PGAP4: variants seen among roughly 807,000 people sequenced by gnomAD.
PGAP4 encodes GPI-N-acetylgalactosamine transferase PGAP4.
PGAP4 carries 12 observed loss-of-function variants against 28.2 expected under a neutral mutation model. The observed-to-expected ratio is 0.42, with a 90% CI of 0.27 to 0.69. The LOEUF is 0.69. Ranked by LOEUF, PGAP4 falls within the 30% of genes least tolerant of loss-of-function variation. The pLI is 0.22. For missense variants in PGAP4, 425 were observed against 513.5 expected (o/e 0.83, Z 1.67); for synonymous variants, 205 against 211.8 (o/e 0.97, Z 0.28).
chr9:101,477,042 T>C lies in PGAP4; in HGVS notation c.51A>G (p.Arg17=), dbSNP rs1247397151. 1 of 1,609,410 alleles carries C rather than the reference T, an allele frequency of 6.2e-7. No individual in the cohort carries two copies. Among genetic ancestry groups the C allele is most frequent in the Non-Finnish European group, 8.5e-7 (1 of 1,178,584 alleles). Residue 17 remains arginine, a synonymous_variant, in exon 2 of 2, where the codon CGA becomes CGG. Coordinates refer to ENST00000374848, the MANE Select transcript of PGAP4 (RefSeq NM_032342.3). ...PAAMLLRRLR[R]LSWGSTAVQL... Reference sequence around the variant, plus strand: ...GGACAGCAGTGCTGCCCCAGGAGAGTCGCCGCAGCCTCCGGAGGAGCATGG... The same window carrying C: ...GGACAGCAGTGCTGCCCCAGGAGAGCCGCCGCAGCCTCCGGAGGAGCATGG...
At chr9:101,487,981 T>C (rs1195671335), upstream of PGAP4, among the ~76,000 whole-genome samples, 1 of 152,180 alleles carries the variant, frequency 6.6e-6, no homozygotes, top group African/African-American at 2.4e-5. Context: ...TGCCAACACC[T>C]GCTCTAAAAG....
intron 1 of PGAP4, among the ~76,000 whole-genome samples, chr9:101,482,844 G>C (rs1175787800): frequency 5.9e-5 from 9 of 152,064 alleles, no homozygotes; most frequent in Non-Finnish European, 1.2e-4. Flanking sequence ...TTCTACTTCA[G>C]ACTCATCTAT....
At chr9:101,490,659 T>G (rs1237376606), upstream of PGAP4, among the ~76,000 whole-genome samples, 1 of 152,244 alleles carries the variant, frequency 6.6e-6, no homozygotes. Flanking sequence ...TAGCAGCAAC[T>G]AATTTCCCAT....
At chr9:101,519,122 T>C (rs763178219) in intron 2 of PGAP4, among the ~76,000 whole-genome samples, 1 of 152,018 alleles carries the variant, frequency 6.6e-6, no homozygotes, top group Admixed American at 6.6e-5. Flanking sequence ...CTTTTGAGAA[T>C]TGCCTATTCA....
At position 101,530,399 on chromosome 9, in the gene PGAP4, A is replaced by G. The variant is rs936082678; in HGVS notation, c.-165+949T>C. Reference sequence around the variant, plus strand: ...AAGTCATCATTTGAAAAAAAAAATCACTTAAAATCTGAGTCTGTTTTCTCC... The same window carrying G: ...AAGTCATCATTTGAAAAAAAAAATCGCTTAAAATCTGAGTCTGTTTTCTCC... On this transcript the variant is annotated intron_variant, in intron 2 of 3. Coordinates refer to the PGAP4 transcript ENST00000374851. Among the ~76,000 whole-genome samples, 8 of 152,178 alleles carry G rather than the reference A, an allele frequency of 5.3e-5. No individual in the cohort carries two copies. The East Asian group carries it at 1.3e-3, about 26-fold the overall frequency.
intron 1 of PGAP4, among the ~76,000 whole-genome samples, chr9:101,479,383 C>T (rs1360732209): frequency 6.6e-6 from 1 of 152,208 alleles, no homozygotes; most frequent in Non-Finnish European, 1.5e-5. Flanking sequence ...GGAGCTGGAT[C>T]AATCTAGAGG....
intron 2 of PGAP4, among the ~76,000 whole-genome samples, chr9:101,507,344 C>G (rs1416441481): frequency 6.6e-6 from 1 of 152,134 alleles, no homozygotes; most frequent in Admixed American, 6.6e-5. Context: ...ATACTGTTCA[C>G]TATTTGGGAC....
exon 1 of PGAP4, chr9:101,532,756 T>C (rs1827113753): frequency 6.6e-6 from 1 of 152,196 alleles, no homozygotes; most frequent in Non-Finnish European, 1.5e-5. Context: ...ATAGTCAAGG[T>C]GTTCCACTGC....
At chr9:101,516,701 C>A (rs1212864924) in intron 2 of PGAP4, among the ~76,000 whole-genome samples, 1 of 152,160 alleles carries the variant, frequency 6.6e-6, no homozygotes, top group Non-Finnish European at 1.5e-5. Flanking sequence ...TGCTTTGCTG[C>A]TGCCATTTTC....
chr9:101,526,734 C>A (rs1025820588), intron 2 of PGAP4, among the ~76,000 whole-genome samples: 1 of 152,198 alleles, frequency 6.6e-6, no homozygotes, highest in Non-Finnish European at 1.5e-5. Context: ...CAGGCATGAG[C>A]CACTGCGCCT....
chr9:101,481,040 G>C (rs1231490967), intron 1 of PGAP4, among the ~76,000 whole-genome samples: 1 of 152,166 alleles, frequency 6.6e-6, no homozygotes, highest in Admixed American at 6.5e-5. Context: ...AGCCAGGCAT[G>C]GTAGCATGTT....
At chr9:101,488,146 C>CATT (rs1393976507), upstream of PGAP4, among the ~76,000 whole-genome samples, 4 of 152,176 alleles carry the variant, frequency 2.6e-5, no homozygotes, top group South Asian at 8.3e-4. Flanking sequence ...TTTCAGCCAG[C>CATT]ATTTACTGAA....
intron 2 of PGAP4, among the ~76,000 whole-genome samples, chr9:101,503,858 T>C (rs1292537674): frequency 1.3e-5 from 2 of 152,104 alleles, no homozygotes; most frequent in East Asian, 3.9e-4. Context: ...TCTTTTGTTC[T>C]GTTCTGCTTT....
At chr9:101,487,572 TG>T (rs1201163676), upstream of PGAP4, among the ~76,000 whole-genome samples, 1 of 152,030 alleles carries the variant, frequency 6.6e-6, no homozygotes, top group Admixed American at 6.5e-5. Context: ...AGGAAAAATG[TG>T]GGGGTCAAAA....
chr9:101,512,976 T>G lies in PGAP4; in HGVS notation c.-165+18372A>C, dbSNP rs995728733. On this transcript the variant is annotated intron_variant, in intron 2 of 3. Coordinates refer to the PGAP4 transcript ENST00000374851. ...ACACTTTGGGAGCTGAATTTTATAG[T>G]AGCATTAACCATGCAAATTTCCTAG... Among the ~76,000 whole-genome samples, 3 of 152,194 alleles carry G rather than the reference T, an allele frequency of 2.0e-5. No homozygotes were observed. The East Asian group carries it at 5.8e-4, about 29-fold the overall frequency.
At chr9:101,514,894 C>G (rs574107366) in intron 2 of PGAP4, among the ~76,000 whole-genome samples, 1 of 152,224 alleles carries the variant, frequency 6.6e-6, no homozygotes, top group South Asian at 2.1e-4. Context: ...GTTGGGAACT[C>G]CTCAAAAGAA....
chr9:101,527,301 C>T (rs901121560), intron 2 of PGAP4, among the ~76,000 whole-genome samples: 5 of 152,152 alleles, frequency 3.3e-5, no homozygotes, highest in African/African-American at 9.7e-5. Context: ...GCTGATGAGG[C>T]AAGATTCCGA....
chr9:101,503,741 T>C (rs1826823709), intron 2 of PGAP4, among the ~76,000 whole-genome samples: 1 of 151,974 alleles, frequency 6.6e-6, no homozygotes, highest in African/African-American at 2.4e-5. Context: ...AGCATCCTGG[T>C]TCCCCTCTGG....
chr9:101,530,703 G>A (rs942133593), intron 2 of PGAP4, among the ~76,000 whole-genome samples: 2 of 152,160 alleles, frequency 1.3e-5, no homozygotes, highest in African/African-American at 4.8e-5. Flanking sequence ...ATTCGCTAGA[G>A]TGAGACAGGC....
Sources: allele counts gnomAD v4.1 joint callset (sites outside exome capture counted in the v4.1 genomes callset), GRCh38; gene constraint gnomAD v4.1.1; transcripts MANE v1.5; gene names NCBI Gene and HGNC (gene_info 2026-07-23, HGNC 2026-07-21).